TLN2: variants seen among roughly 807,000 people sequenced by gnomAD.
TLN2 encodes talin 2.
Under a neutral mutation model 294.7 loss-of-function variants are expected in TLN2, and 118 were observed. The observed-to-expected ratio is 0.40, with a 90% CI of 0.34 to 0.47. TLN2 has a LOEUF of 0.47. Ranked by LOEUF, TLN2 falls within the 20% of genes least tolerant of loss-of-function variation. TLN2 has a pLI of 0.84. For missense variants in TLN2, 3,083 were observed against 3,282.2 expected (o/e 0.94, Z 1.48); for synonymous variants, 1,431 against 1,304.5 (o/e 1.10, Z -2.09).
intron 1 of TLN2, among the ~76,000 whole-genome samples, chr15:62,547,898 G>T (rs1183030881): frequency 6.6e-6 from 1 of 152,202 alleles, no homozygotes; most frequent in Non-Finnish European, 1.5e-5. Context: ...ACATTGCTAT[G>T]TGAATTAAGA....
At chr15:62,624,469 A>G (rs1348574135) in intron 3 of TLN2, among the ~76,000 whole-genome samples, 2 of 152,172 alleles carry the variant, frequency 1.3e-5, no homozygotes, top group Non-Finnish European at 2.9e-5. Context: ...AGGTGATAGG[A>G]CGCATGAATG....
At chr15:62,470,042 C>A (rs535814795) in intron 1 of TLN2, among the ~76,000 whole-genome samples, 2 of 152,150 alleles carry the variant, frequency 1.3e-5, no homozygotes, top group Admixed American at 6.6e-5. Flanking sequence ...TATAGGGAAA[C>A]CATTGCTAAG....
chr15:62,752,447 G>A lies in TLN2; in HGVS notation c.4332+20G>A. 6.2e-7 allele frequency: 1 copy of A among 1,613,450 alleles called. No individual in the cohort carries two copies. The stretch of plus-strand genomic sequence containing the variant: ...GCCCAGGTAAGGGGCTAGTCCCGAT[G>A]CAGCCATGTGCCCTGTGCCAGATCC... On this transcript the variant is annotated intron_variant, in intron 35 of 58. Transcript: ENST00000636159.
rs529285814 is a variant in TLN2 at position 62,642,278 on chromosome 15, A to G, written c.-36-4997A>G. Among the ~76,000 whole-genome samples the G allele has an allele frequency of 3.3e-5, 5 of 152,374 alleles. No individual in the cohort carries two copies. The South Asian group carries it at 1.0e-3, about 32-fold the overall frequency. ...ATAGTAGTCATTCAAATTCGGGTAA[A>G]CGAAAAATGAACAATAAGATAAAAT... On this transcript the variant is annotated intron_variant, in intron 3 of 58. Transcript: ENST00000636159.
At chr15:62,682,995 AGAAAT>A (rs2056967066) in intron 11 of TLN2, 1 of 152,002 alleles carries the variant, frequency 6.6e-6, no homozygotes, top group African/African-American at 2.4e-5. Context: ...TTGCAGGGAG[AGAAAT>A]GGCTAATAAA....
At position 62,512,185 on chromosome 15, in the gene TLN2, C is replaced by T. The variant is rs566427232; in HGVS notation, c.-237-77502C>T. On this transcript the variant is annotated intron_variant, in intron 1 of 58. Transcript: ENST00000636159. ...TTTTGCCACATGACAGACTCTAGAG[C>T]CCCTCAGCATCTTTTTGTGTGGTTT... Among the ~76,000 whole-genome samples, 23 of 152,246 alleles carry T rather than the reference C, an allele frequency of 1.5e-4. 1 individual carries two copies. Among genetic ancestry groups the T allele is most frequent in the African/African-American group, 5.5e-4 (23 of 41,562 alleles).
At chr15:62,475,787 G>T (rs1322953011) in intron 1 of TLN2, among the ~76,000 whole-genome samples, 1 of 152,156 alleles carries the variant, frequency 6.6e-6, no homozygotes, top group Non-Finnish European at 1.5e-5. Flanking sequence ...AGAGAGAACT[G>T]GGGGCATGGT....
intron 1 of TLN2, among the ~76,000 whole-genome samples, chr15:62,519,414 G>C (rs1263514146): frequency 6.6e-6 from 1 of 152,042 alleles, no homozygotes. Context: ...CTTATCCCTG[G>C]TGGCTCATAA....
intron 54 of TLN2, 71 bp from the exon 55 acceptor site, chr15:62,833,433 G>A (rs544641736): frequency 1.2e-5 from 19 of 1,575,854 alleles, no homozygotes; most frequent in Non-Finnish European, 8.6e-7. Context: ...TGACCCGGCA[G>A]TAAGTAGTTT....
chr15:62,409,402 AT>A (rs1245130484), intron 1 of TLN2, among the ~76,000 whole-genome samples: 1 of 152,144 alleles, frequency 6.6e-6, no homozygotes, highest in Non-Finnish European at 1.5e-5. Context: ...TAGATTGTTT[AT>A]ATTGGCATTT....
intron 1 of TLN2, among the ~76,000 whole-genome samples, chr15:62,506,950 A>T (rs1416612328): frequency 1.3e-5 from 2 of 152,100 alleles, no homozygotes; most frequent in Non-Finnish European, 2.9e-5. Context: ...AGCATATGTG[A>T]AGTGAATGAC....
chr15:62,613,960 G>A (rs2048114553), intron 2 of TLN2, among the ~76,000 whole-genome samples: 1 of 152,102 alleles, frequency 6.6e-6, no homozygotes, highest in Admixed American at 6.5e-5. Flanking sequence ...TGACAGAGGA[G>A]AGTGGAAAGC....
intron 2 of TLN2, among the ~76,000 whole-genome samples, chr15:62,613,621 C>T (rs2048090080): frequency 6.6e-6 from 1 of 152,146 alleles, no homozygotes; most frequent in African/African-American, 2.4e-5. Flanking sequence ...AAGACTTTCA[C>T]ATGAACGTCA....
chr15:62,421,013 T>C (rs1244052472), intron 1 of TLN2, among the ~76,000 whole-genome samples: 1 of 152,226 alleles, frequency 6.6e-6, no homozygotes, highest in Non-Finnish European at 1.5e-5. Context: ...ATTAGATGAA[T>C]GCACACTTAC....
At chr15:62,616,111 G>T (rs192309868) in intron 2 of TLN2, among the ~76,000 whole-genome samples, 204 of 152,118 alleles carry the variant, frequency 1.3e-3, no homozygotes, top group Non-Finnish European at 2.5e-3. Flanking sequence ...GTCATTTTCT[G>T]TAAAAATATT....
chr15:62,777,233 GAAATAAAAGTGA>G (rs1331827475), intron 43 of TLN2, among the ~76,000 whole-genome samples: 6 of 148,546 alleles, frequency 4.0e-5, no homozygotes, highest in Non-Finnish European at 9.0e-5. Context: ...TTGCCAAAAT[GAAATAAAAGTGA>G]TTCCCGCCCG....
chr15:62,390,778 G>A (rs979934419), intron 1 of TLN2, 93 bp downstream of exon 1: 14 of 152,058 alleles, frequency 9.2e-5, no homozygotes, highest in African/African-American at 3.4e-4. Context: ...CTCTCCAGAA[G>A]GAAAATGTGG....
At chr15:62,640,470 C>G in intron 3 of TLN2, 1 of 414,082 alleles carries the variant, frequency 2.4e-6, no homozygotes, top group Non-Finnish European at 4.8e-6. Flanking sequence ...CAGGTGGGCA[C>G]AAACCCCTGC....
rs751078143 is a variant in TLN2, at chr15:62,707,175, C to G, written c.2094C>G (p.Asp698Glu). 1 of 1,614,226 alleles carries G rather than the reference C, an allele frequency of 6.2e-7. No individual in the cohort carries two copies. The highest frequency in any genetic ancestry group is 1.1e-5 in the South Asian group (1 of 91,086). ...KAKNVAQVAE[D>E]TVLQNRVIAA... The stretch of plus-strand genomic sequence containing the variant: ...AGAATGTTGCCCAAGTGGCCGAAGA[C>G]ACTGTCCTACAGAACAGGGTAATTG... Residue 698 changes from aspartate (D) to glutamate (E), a missense_variant, in exon 20 of 59, where the codon GAC becomes GAG. Transcript: ENST00000636159.
Sources: allele counts gnomAD v4.1 joint callset (sites outside exome capture counted in the v4.1 genomes callset), GRCh38; gene constraint gnomAD v4.1.1; transcripts MANE v1.5; gene names NCBI Gene and HGNC (gene_info 2026-07-23, HGNC 2026-07-21).